ZNF385D: variants seen among roughly 807,000 people sequenced by gnomAD.
The protein encoded by ZNF385D is zinc finger protein 385D.
ZNF385D carries 15 observed loss-of-function variants against 35.8 expected under a neutral mutation model. That is an observed-to-expected ratio of 0.42 (90% CI 0.28 to 0.64). The LOEUF (loss-of-function observed/expected upper bound fraction) is 0.64, where lower values mean the gene tolerates loss of function less well. Among genes scored for constraint, ZNF385D ranks in the 30% least tolerant of loss-of-function variants. The pLI is 0.23. For synonymous variants in ZNF385D, 212 were observed against 186.8 expected (o/e 1.13, Z -1.10); for missense variants, 474 against 494.6 (o/e 0.96, Z 0.39).
chr3:21,765,861 C>T (rs570811135), intron 3 of ZNF385D, among the ~76,000 whole-genome samples: 1 of 152,110 alleles, frequency 6.6e-6, no homozygotes, highest in Non-Finnish European at 1.5e-5. Context: ...TTAATTATCT[C>T]GTGTTTTCCC....
In ZNF385D at chr3:21,663,903, ATATATATATATATATT is replaced by A. The variant is rs1174370528; in HGVS notation, c.165+967_165+982del. Reference sequence around the variant, plus strand: ...AATTGTGGGCCGAATATATATATATATATATATATATATATTTATTTATTTAAATCCATCATGGGGA... The same window carrying A: ...AATTGTGGGCCGAATATATATATATATATTTATTTAAATCCATCATGGGGA... On this transcript the variant is annotated intron_variant, in intron 2 of 7. Coordinates refer to ENST00000281523, the MANE Select transcript of ZNF385D (RefSeq NM_024697.3). 5.9e-5 allele frequency among the ~76,000 whole-genome samples: 7 copies of A among 119,612 alleles called. 1 individual carries two copies. The highest frequency in any genetic ancestry group is 1.7e-4 in the Admixed American group (2 of 11,642). 78.5% of individuals were successfully genotyped at this position (119,612 alleles called of 152,430 possible).
chr3:21,617,576 C>T (rs2064884648), intron 2 of ZNF385D, among the ~76,000 whole-genome samples: 1 of 152,158 alleles, frequency 6.6e-6, no homozygotes, highest in African/African-American at 2.4e-5. Flanking sequence ...ATTTTTCCTG[C>T]ACAGATGCAG....
At chr3:22,133,924 T>C (rs1400827382) in intron 3 of ZNF385D, 1 of 152,062 alleles carries the variant, frequency 6.6e-6, no homozygotes, top group Non-Finnish European at 1.5e-5. Context: ...AAACAACCTC[T>C]TTTTGTATGA....
chr3:22,162,729 T>C (rs1004685021), intron 3 of ZNF385D, among the ~76,000 whole-genome samples: 1 of 152,198 alleles, frequency 6.6e-6, no homozygotes, highest in Admixed American at 6.5e-5. Context: ...TTTGTATGCC[T>C]CCCAGGCTTA....
At chr3:22,015,032 C>T (rs1228062350) in intron 3 of ZNF385D, among the ~76,000 whole-genome samples, 1 of 152,074 alleles carries the variant, frequency 6.6e-6, no homozygotes, top group Non-Finnish European at 1.5e-5. Flanking sequence ...AAGCATATAT[C>T]ACTGTGTAAT....
intron 3 of ZNF385D, among the ~76,000 whole-genome samples, chr3:21,982,922 G>A (rs111455917): frequency 6.6e-6 from 1 of 151,702 alleles, no homozygotes; most frequent in African/African-American, 2.4e-5. Context: ...GAACCAACTT[G>A]CCTTCTGGGG....
chr3:22,022,434 C>T (rs1303017274), intron 3 of ZNF385D, among the ~76,000 whole-genome samples: 1 of 152,084 alleles, frequency 6.6e-6, no homozygotes, highest in Non-Finnish European at 1.5e-5. Context: ...AATTTCTACT[C>T]TCAGCTCCTC....
chr3:22,361,881 A>G (rs759458771), intron 2 of ZNF385D, among the ~76,000 whole-genome samples: 1 of 151,988 alleles, frequency 6.6e-6, no homozygotes, highest in African/African-American at 2.4e-5. Context: ...AATAATTCCA[A>G]CAGTAACTTT....
intron 3 of ZNF385D, among the ~76,000 whole-genome samples, chr3:22,156,927 T>A (rs1342624331): frequency 6.6e-6 from 1 of 152,104 alleles, no homozygotes; most frequent in Non-Finnish European, 1.5e-5. Flanking sequence ...TCAAAGATAA[T>A]CTATCATTTT....
intron 2 of ZNF385D, among the ~76,000 whole-genome samples, chr3:21,622,275 C>T (rs1231060488): frequency 6.6e-6 from 1 of 152,114 alleles, no homozygotes; most frequent in South Asian, 2.1e-4. Context: ...TTCAGACTTT[C>T]AATATCTTAA....
chr3:22,250,135 G>C (rs1479094803), intron 2 of ZNF385D, among the ~76,000 whole-genome samples: 2 of 151,992 alleles, frequency 1.3e-5, no homozygotes, highest in Admixed American at 6.6e-5. Flanking sequence ...AAACTTCAAG[G>C]TATCTTCCCC....
chr3:22,319,531 G>A (rs564533707), intron 2 of ZNF385D, among the ~76,000 whole-genome samples: 1 of 152,112 alleles, frequency 6.6e-6, no homozygotes, highest in Non-Finnish European at 1.5e-5. Flanking sequence ...TAGAAATGCT[G>A]TTGTTCAAAT....
intron 3 of ZNF385D, among the ~76,000 whole-genome samples, chr3:22,030,516 A>C (rs1576187419): frequency 6.6e-6 from 1 of 151,164 alleles, no homozygotes; most frequent in African/African-American, 2.4e-5. Flanking sequence ...TGCACAGAGG[A>C]AACTGTCATT....
chr3:21,438,337 T>C (rs1419790780), intron 4 of ZNF385D, among the ~76,000 whole-genome samples: 1 of 152,134 alleles, frequency 6.6e-6, no homozygotes, highest in Non-Finnish European at 1.5e-5. Context: ...ACTGCTATGG[T>C]CACTATCTAA....
chr3:21,636,388 A>ATGATTT (rs367979581), intron 2 of ZNF385D, among the ~76,000 whole-genome samples: 12 of 43,480 alleles, frequency 2.8e-4, no homozygotes, highest in Middle Eastern at 9.1e-3. Flanking sequence ...TTATATATAT[A>ATGATTT]TATATATATA....
chr3:22,077,289 G>T (rs1235415156), intron 3 of ZNF385D, among the ~76,000 whole-genome samples: 1 of 151,768 alleles, frequency 6.6e-6, no homozygotes, highest in Admixed American at 6.6e-5. Context: ...CAGAATTTTG[G>T]TTAAATTCTA....
At chr3:21,787,492 C>G (rs562388567) in intron 3 of ZNF385D, among the ~76,000 whole-genome samples, 167 of 152,188 alleles carry the variant, frequency 1.1e-3, no homozygotes, top group Non-Finnish European at 1.5e-3. Flanking sequence ...ATCCAGCACA[C>G]CACTAACCAC....
At chr3:22,292,840 A>G (rs1559502850) in intron 2 of ZNF385D, among the ~76,000 whole-genome samples, 1 of 152,094 alleles carries the variant, frequency 6.6e-6, no homozygotes, top group East Asian at 1.9e-4. Flanking sequence ...GTGACAGAAA[A>G]AGAGAGAGAG....
intron 2 of ZNF385D, among the ~76,000 whole-genome samples, chr3:22,174,173 G>A (rs568871379): frequency 5.9e-5 from 9 of 152,196 alleles, no homozygotes; most frequent in African/African-American, 2.2e-4. Context: ...GTAAAATAGT[G>A]TATTTTAGTT....
Sources: allele counts gnomAD v4.1 joint callset (sites outside exome capture counted in the v4.1 genomes callset), GRCh38; gene constraint gnomAD v4.1.1; transcripts MANE v1.5; gene names NCBI Gene and HGNC (gene_info 2026-07-23, HGNC 2026-07-21).